The following INPP1 variants were observed in gnomAD, a reference collection of about 807,000 sequenced individuals.
The protein encoded by INPP1 is inositol polyphosphate-1-phosphatase.
Under a neutral mutation model 23.0 loss-of-function variants are expected in INPP1, and 18 were observed. That is an observed-to-expected ratio of 0.78 (90% CI 0.54 to 1.16). The LOEUF (loss-of-function observed/expected upper bound fraction) is 1.16, where lower values mean the gene tolerates loss of function less well. Among genes scored for constraint, INPP1 ranks in the 50% most tolerant of loss-of-function variants. The probability of loss-of-function intolerance (pLI) is 0.00; values close to 1 mark genes in which losing one functional copy is unlikely to be tolerated. For missense variants in INPP1, 448 were observed against 482.1 expected, an observed-to-expected ratio of 0.93 and a Z score of 0.66; for synonymous variants, 164 against 176.3, an observed-to-expected ratio of 0.93 and a Z score of 0.55.
intron 2 of INPP1, among the ~76,000 whole-genome samples, chr2:190,351,094 T>C (rs1689316377): frequency 6.6e-6 from 1 of 152,258 alleles, no homozygotes; most frequent in African/African-American, 2.4e-5. Context: ...CAACATTTAT[T>C]GAACACCTCT....
At position 190,346,285 on chromosome 2, in the gene INPP1, G is replaced by A. The variant is rs1689213400; in HGVS notation, c.-209+2324G>A. On this transcript the variant is annotated intron_variant, in intron 1 of 6. Coordinates refer to ENST00000392329, the MANE Select transcript of INPP1 (RefSeq NM_001128928.2). This position sits in a 1 kb window ranked among gnomAD's most constrained non-coding sequence, Gnocchi z 5.1. The stretch of plus-strand genomic sequence containing the variant: ...AAAGGTGAGTTTGGGAAATGCAGGT[G>A]GGAAATGACTATTGTTGGAATGAAT... Among the ~76,000 whole-genome samples, 1 of 152,108 alleles carries A rather than the reference G, an allele frequency of 6.6e-6. No individual in the cohort carries two copies. The highest frequency in any genetic ancestry group is 1.5e-5 in the Non-Finnish European group (1 of 68,026).
chr2:190,357,700 G>A (rs1689443958), intron 2 of INPP1, among the ~76,000 whole-genome samples: 1 of 152,172 alleles, frequency 6.6e-6, no homozygotes, highest in South Asian at 2.1e-4. Context: ...GGGAAAACTG[G>A]AGTTACTGAC....
intron 1 of INPP1, 111 bp downstream of exon 1, chr2:190,344,072 CG>C: frequency 3.2e-6 from 1 of 312,328 alleles, no homozygotes; most frequent in Non-Finnish European, 6.7e-6. Flanking sequence ...CGCCTCTCCG[CG>C]GGTAGGTGAG....
At chr2:190,361,641 T>G (rs1398381680) in intron 3 of INPP1, among the ~76,000 whole-genome samples, 1 of 152,366 alleles carries the variant, frequency 6.6e-6, no homozygotes, top group East Asian at 1.9e-4. Flanking sequence ...ATTCATGAGC[T>G]AAAATAAATG....
rs1226850486 is a variant in INPP1, at chr2:190,348,940, A to G, written c.-156A>G. On this transcript the variant is annotated 5_prime_UTR_variant, in exon 2 of 7. Coordinates refer to ENST00000392329, the MANE Select transcript of INPP1 (RefSeq NM_001128928.2). ...AGTTTATATACCTGATTGGCAAAAC[A>G]GAGCCTAAGAACCAGCTCTCCTGTA... 1.3e-5 allele frequency: 2 copies of G among 152,214 alleles called. No individual in the cohort carries two copies. The highest frequency in any genetic ancestry group is 4.8e-5 in the African/African-American group (2 of 41,448). The allele number at this position is 152,214 out of a possible 1,614,324, so 9.4% of individuals were successfully genotyped here. A position where few individuals can be genotyped will look rare whatever the true frequency, so the allele number is the denominator to read the frequency against.
At chr2:190,348,788 G>T (rs1689271366) in intron 1 of INPP1, 100 bp from the exon 2 acceptor site, 1 of 152,186 alleles carries the variant, frequency 6.6e-6, no homozygotes, top group Admixed American at 6.5e-5. Flanking sequence ...AAAAAACAGA[G>T]AAGTTTTGAA....
chr2:190,362,745 CTCTAGTT>C (rs1689560225), intron 4 of INPP1, 58 bp downstream of exon 4: 11 of 1,163,506 alleles, frequency 9.5e-6, no homozygotes, highest in Non-Finnish European at 1.4e-5. Flanking sequence ...GTATTCTAGT[CTCTAGTT>C]TATACCATGA....
chr2:190,366,516 T>G (rs1022345771), intron 4 of INPP1, among the ~76,000 whole-genome samples, 179 bp from the exon 5 acceptor site: 7 of 151,858 alleles, frequency 4.6e-5, no homozygotes, highest in Non-Finnish European at 1.0e-4. Flanking sequence ...TGTCTCTCTC[T>G]CACTCTCTTG....
intron 2 of INPP1, chr2:190,359,527 A>C (rs1370281441): frequency 6.7e-6 from 1 of 149,896 alleles, no homozygotes; most frequent in Non-Finnish European, 1.5e-5. Flanking sequence ...GCTGCACTCT[A>C]GCCTGGGTGA....
Position 190,369,227 on chromosome 2 carries a change from G to T in INPP1, c.591G>T (p.Leu197=). The part of the protein sequence containing the change: ...GVYDIQTGVP[L]MGVINQPFVS... ...ATGACATACAGACAGGGGTTCCCCTGATGGGAGTCATCAATCAACCTTTTG... is the reference window on the plus strand; with the variant it reads ...ATGACATACAGACAGGGGTTCCCCTTATGGGAGTCATCAATCAACCTTTTG... Residue 197 remains leucine, a synonymous_variant, in exon 6 of 7, where the codon CTG becomes CTT. Transcript: ENST00000392329. 1 of 1,602,138 alleles carries T rather than the reference G, an allele frequency of 6.2e-7. No individual in the cohort carries two copies. The highest frequency in any genetic ancestry group is 8.5e-7 in the Non-Finnish European group (1 of 1,170,866).
Position 190,354,422 on chromosome 2 carries a change from A to C in INPP1, c.-65+5391A>C, listed in dbSNP as rs1689379755. Among the ~76,000 whole-genome samples, 1 of 152,232 alleles carries C rather than the reference A, an allele frequency of 6.6e-6. No homozygotes were observed. Among genetic ancestry groups the C allele is most frequent in the African/African-American group, 2.4e-5 (1 of 41,464 alleles). ...TTGAAGCCCCAACCCCCAGTACCTCAGAATGGGACTGTACTTGCAGATAGG... is the reference window on the plus strand; with the variant it reads ...TTGAAGCCCCAACCCCCAGTACCTCCGAATGGGACTGTACTTGCAGATAGG... On this transcript the variant is annotated intron_variant, in intron 2 of 6. Transcript: ENST00000392329. This position sits in a 1 kb window ranked among gnomAD's most constrained non-coding sequence, Gnocchi z 4.8.
rs201808787 is a variant in INPP1 at position 190,371,222 on chromosome 2, A to G, written c.1020A>G (p.Arg340=). 85 of 1,613,472 alleles carry G rather than the reference A, an allele frequency of 5.3e-5. No individual in the cohort carries two copies. The East Asian group carries it at 1.9e-3, about 36-fold the overall frequency. ...GIVDLKECLE[R]NPETGLDLPQ... ...TAGACTTGAAAGAATGCTTAGAAAG[A>G]AATCCAGAAACAGGGCTTGATTTGC... The change falls in exon 7 of 7, where the codon AGA becomes AGG. Residue 340 remains arginine (R), a synonymous_variant. Coordinates refer to ENST00000392329, the MANE Select transcript of INPP1 (RefSeq NM_001128928.2). The surrounding 1 kb of genome is among the most constrained non-coding windows in gnomAD (Gnocchi z 5.3).
chr2:190,344,014 C>T (rs917801300), intron 1 of INPP1, 53 bp downstream of exon 1: 3 of 334,622 alleles, frequency 9.0e-6, no homozygotes, highest in South Asian at 6.7e-5. Flanking sequence ...GCGCCGCTGC[C>T]CCTCCTCCTT....
At chr2:190,365,763 C>G (rs1689632703) in intron 4 of INPP1, among the ~76,000 whole-genome samples, 1 of 152,204 alleles carries the variant, frequency 6.6e-6, no homozygotes, top group African/African-American at 2.4e-5. Flanking sequence ...GCTTTTGATT[C>G]ACTCTCTCAC....
chr2:190,365,217 C>G (rs921088118), intron 4 of INPP1: 1 of 168,558 alleles, frequency 5.9e-6, no homozygotes, highest in African/African-American at 2.4e-5. Context: ...CTTATCGTTT[C>G]ATTTGAAGAA....
At position 190,354,888 on chromosome 2, in the gene INPP1, G is replaced by A. The variant is rs3791815; in HGVS notation, c.-64-5151G>A. Among the ~76,000 whole-genome samples the A allele has an allele frequency of 0.24, 36,899 of 150,782 alleles. 4,878 individuals are homozygous for A. The highest frequency in any genetic ancestry group is 0.5 in the East Asian group (2,549 of 5,138). ...AGTAAAAGGGAAGTCAAATAGTGAC[G>A]TATAATGATCAAACCTAGTGACAGA... On this transcript the variant is annotated intron_variant, in intron 2 of 6. Transcript: ENST00000392329. The surrounding 1 kb of genome is among the most constrained non-coding windows in gnomAD (Gnocchi z 4.8).
rs937796554 is a variant in INPP1 at position 190,345,477 on chromosome 2, A to G, written c.-209+1516A>G. Reference sequence around the variant, plus strand: ...TTCTGTCTCTAATAACAGTTAGAAAATGTCTCATTCTATTTCATGTTATAC... The same window carrying G: ...TTCTGTCTCTAATAACAGTTAGAAAGTGTCTCATTCTATTTCATGTTATAC... On this transcript the variant is annotated intron_variant, in intron 1 of 6. Coordinates refer to ENST00000392329, the MANE Select transcript of INPP1 (RefSeq NM_001128928.2). The surrounding 1 kb of genome is among the most constrained non-coding windows in gnomAD (Gnocchi z 4.9). 6.6e-6 allele frequency: 1 copy of G among 152,222 alleles called. No individual in the cohort carries two copies. Among genetic ancestry groups the G allele is most frequent in the African/African-American group, 2.4e-5 (1 of 41,448 alleles). The allele number at this position is 152,222 out of a possible 1,614,324, so 9.4% of individuals were successfully genotyped here.
chr2:190,366,646 C>G lies in INPP1; in HGVS notation c.266-49C>G, dbSNP rs368582203. On this transcript the variant is annotated intron_variant, in intron 4 of 6. Coordinates refer to ENST00000392329, the MANE Select transcript of INPP1 (RefSeq NM_001128928.2). Reference sequence around the variant, plus strand: ...TTAGCTCTCTCTCTCTGTTCTTTCTCCACTGAAACTCTTGAAATGTAATGG... The same window carrying G: ...TTAGCTCTCTCTCTCTGTTCTTTCTGCACTGAAACTCTTGAAATGTAATGG... 4.7e-6 allele frequency: 6 copies of G among 1,286,212 alleles called. No homozygotes were observed. The African/African-American group carries it at 8.8e-5, about 19-fold the overall frequency. The allele number at this position is 1,286,212 out of a possible 1,614,324, so 79.7% of individuals were successfully genotyped here. A position where few individuals can be genotyped will look rare whatever the true frequency, so the allele number is the denominator to read the frequency against.
intron 4 of INPP1, among the ~76,000 whole-genome samples, chr2:190,365,939 CACTG>C (rs1689641393): frequency 6.6e-6 from 1 of 151,508 alleles, no homozygotes; most frequent in African/African-American, 2.4e-5. Context: ...GTCTCTCGCT[CACTG>C]TCTGTCTCAC....
Sources: gnomAD v4.1 joint callset for allele counts (sites outside exome capture counted in the v4.1 genomes callset) on GRCh38, gnomAD v4.1.1 for gene constraint, Gnocchi (gnomAD v3.1) non-coding constraint, MANE v1.5 for transcripts, NCBI Gene and HGNC (gene_info 2026-07-23, HGNC 2026-07-21) for gene names.